Variants in NRXN3 observed in about 807,000 individuals in gnomAD.
NRXN3 encodes the protein neurexin III.
A neutral mutation model predicts 137.6 loss-of-function variants in NRXN3; 32 were observed. The ratio of observed to expected loss-of-function variants is 0.23; its 90% CI spans 0.18 to 0.31. The LOEUF is 0.31. Ranked by LOEUF, NRXN3 falls within the 10% of genes least tolerant of loss-of-function variation. The pLI, the probability that NRXN3 is intolerant of heterozygous loss-of-function variation, is 1.00. For missense variants in NRXN3, 1,574 were observed against 2,062.5 expected, an observed-to-expected ratio of 0.76 and a Z score of 4.59; for synonymous variants, 798 against 784.5, an observed-to-expected ratio of 1.02 and a Z score of -0.29.
At chr14:79,741,166 G>A (rs2098961840) in intron 19 of NRXN3, among the ~76,000 whole-genome samples, 1 of 151,932 alleles carries the variant, frequency 6.6e-6, no homozygotes, top group Non-Finnish European at 1.5e-5. Context: ...TGTGACCTGA[G>A]GCAAATCATT....
intron 20 of NRXN3, among the ~76,000 whole-genome samples, chr14:79,837,571 C>T (rs2099346716): frequency 6.6e-6 from 1 of 152,202 alleles, no homozygotes; most frequent in Non-Finnish European, 1.5e-5. Context: ...ATATCCCCAT[C>T]TCTTTCTCCA....
At chr14:78,478,366 GAGA>G (rs763068591) in intron 4 of NRXN3, among the ~76,000 whole-genome samples, 4 of 152,132 alleles carry the variant, frequency 2.6e-5, no homozygotes, top group African/African-American at 7.2e-5. Flanking sequence ...CTTCATGGAG[GAGA>G]AGAAGTTTAA....
intron 4 of NRXN3, among the ~76,000 whole-genome samples, chr14:78,463,487 AGAGGTTGTATTAATT>A (rs2094990776): frequency 6.6e-6 from 1 of 151,594 alleles, no homozygotes; most frequent in Non-Finnish European, 1.5e-5. Flanking sequence ...TATTTTCCGT[AGAGGTTGTATTAATT>A]TACATTCCTA....
At chr14:79,023,459 A>G (rs2099593083) in intron 15 of NRXN3, among the ~76,000 whole-genome samples, 1 of 152,102 alleles carries the variant, frequency 6.6e-6, no homozygotes, top group Non-Finnish European at 1.5e-5. Context: ...TGGGGCAGGG[A>G]CTGATCAGGG....
chr14:78,483,198 A>G (rs1246878834), intron 4 of NRXN3, among the ~76,000 whole-genome samples: 1 of 152,156 alleles, frequency 6.6e-6, no homozygotes, highest in Non-Finnish European at 1.5e-5. Flanking sequence ...CAAAACCCCA[A>G]AAAACCCCAC....
At position 79,079,667 on chromosome 14, in the gene NRXN3, C is replaced by G. The variant is rs538072358; in HGVS notation, c.3262+91526C>G. 9.2e-5 allele frequency among the ~76,000 whole-genome samples: 14 copies of G among 152,122 alleles called. No homozygotes were observed. In the South Asian group the frequency reaches 2.9e-3, roughly 32 times the overall value. ...TCTGCCTCTTTTACTCTTTGGAAGA[C>G]GTGCCAATAGGCAGGTAAAGAGATC... is the stretch of plus-strand genomic sequence containing the variant. On this transcript the variant is annotated intron_variant, in intron 15 of 20. Transcript: ENST00000335750.
chr14:78,382,975 C>T lies in NRXN3; in HGVS notation c.757+85115C>T, dbSNP rs567249907. 2.9e-3 allele frequency among the ~76,000 whole-genome samples: 436 copies of T among 152,236 alleles called. 1 individual carries two copies. Among genetic ancestry groups the T allele is most frequent in the South Asian group, 0.017 (84 of 4,816 alleles). On this transcript the variant is annotated intron_variant, in intron 4 of 20. Transcript: ENST00000335750. ...TTATTATGGTCAGTTTGGGTGTTCT[C>T]ATGCCATTTAAGCCACCAACTGCTT...
In NRXN3 at chr14:79,434,462, T is replaced by G. The variant is rs188961211; in HGVS notation, c.3263-32759T>G. On this transcript the variant is annotated intron_variant, in intron 15 of 20. Transcript: ENST00000335750. The stretch of plus-strand genomic sequence containing the variant: ...ACCTGGTGAATAATGTCAAGGCCTC[T>G]CAGAGTGGGTCAGGAAAGCAAAAAG... Among the ~76,000 whole-genome samples, 5 of 152,318 alleles carry G rather than the reference T, an allele frequency of 3.3e-5. No individual in the cohort carries two copies. The East Asian group carries it at 9.7e-4, about 29-fold the overall frequency.
In NRXN3 at chr14:79,129,458, A is replaced by G. The variant is rs1384858532; in HGVS notation, c.3262+141317A>G. On this transcript the variant is annotated intron_variant, in intron 15 of 20. Transcript: ENST00000335750. Reference sequence around the variant, plus strand: ...GTACCCAGTAGTCATTCAGGAGCAGATTGTTCAGTTTCCATGTAGTTGAGC... The same window carrying G: ...GTACCCAGTAGTCATTCAGGAGCAGGTTGTTCAGTTTCCATGTAGTTGAGC... Among the ~76,000 whole-genome samples, 488 of 147,848 alleles carry G rather than the reference A, an allele frequency of 3.3e-3. 3 individuals are homozygous for G. The highest frequency in any genetic ancestry group is 0.012 in the African/African-American group (442 of 37,882).
intron 14 of NRXN3, among the ~76,000 whole-genome samples, chr14:78,987,199 G>T (rs11624311): frequency 6.6e-6 from 1 of 151,886 alleles, no homozygotes; most frequent in Non-Finnish European, 1.5e-5. Flanking sequence ...AGCTCCAAGC[G>T]TTTGCATTCC....
chr14:78,961,161 C>G (rs2099407443), intron 11 of NRXN3, among the ~76,000 whole-genome samples: 1 of 152,106 alleles, frequency 6.6e-6, no homozygotes, highest in South Asian at 2.1e-4. Flanking sequence ...TATGAAGATT[C>G]TTGACTGGTA....
intron 16 of NRXN3, among the ~76,000 whole-genome samples, chr14:79,658,762 G>A (rs1234532929): frequency 6.6e-6 from 1 of 152,158 alleles, no homozygotes; most frequent in Non-Finnish European, 1.5e-5. Context: ...TTGTGTTCTT[G>A]CCTAGCACTG....
At chr14:79,672,855 A>G (rs2098617461) in intron 17 of NRXN3, among the ~76,000 whole-genome samples, 1 of 152,070 alleles carries the variant, frequency 6.6e-6, no homozygotes, top group African/African-American at 2.4e-5. Flanking sequence ...AGTCTCTTCA[A>G]TTTAAATTTT....
chr14:78,704,678 G>T (rs1348470999), intron 6 of NRXN3, among the ~76,000 whole-genome samples: 2 of 152,142 alleles, frequency 1.3e-5, no homozygotes, highest in African/African-American at 4.8e-5. Flanking sequence ...TGCAGTCAGA[G>T]AGATAAGGGC....
At chr14:78,810,622 A>C (rs181070771) in intron 10 of NRXN3, among the ~76,000 whole-genome samples, 2 of 152,288 alleles carry the variant, frequency 1.3e-5, no homozygotes, top group African/African-American at 4.8e-5. Flanking sequence ...GAATAATGAA[A>C]TAATGAAAAA....
At chr14:78,940,182 T>C (rs890519193) in intron 10 of NRXN3, among the ~76,000 whole-genome samples, 6 of 152,204 alleles carry the variant, frequency 3.9e-5, no homozygotes, top group African/African-American at 1.4e-4. Context: ...TTGCTGAACT[T>C]GCATGCTCTC....
At chr14:79,144,421 A>G (rs947835982) in intron 15 of NRXN3, among the ~76,000 whole-genome samples, 3 of 152,212 alleles carry the variant, frequency 2.0e-5, no homozygotes, top group Non-Finnish European at 2.9e-5. Context: ...GAACAAATGT[A>G]CTTGTTTGTA....
chr14:78,830,229 T>A (rs1467835877), intron 10 of NRXN3, among the ~76,000 whole-genome samples: 1 of 152,158 alleles, frequency 6.6e-6, no homozygotes, highest in Non-Finnish European at 1.5e-5. Context: ...AAATAAAATA[T>A]CTAAGTTACT....
chr14:79,161,988 G>A lies in NRXN3; in HGVS notation c.3262+173847G>A, dbSNP rs1439092488. The stretch of plus-strand genomic sequence containing the variant: ...AAGAACATCTAAGCTGCGGGTTCAG[G>A]TATAAAATTAGGGCCCTGTGGCTTA... On this transcript the variant is annotated intron_variant, in intron 15 of 20. Transcript: ENST00000335750. 2.6e-5 allele frequency among the ~76,000 whole-genome samples: 4 copies of A among 151,880 alleles called. No homozygotes were observed. The East Asian group carries it at 7.8e-4, about 30-fold the overall frequency.
Sources: gnomAD v4.1 joint callset for allele counts (sites outside exome capture counted in the v4.1 genomes callset) on GRCh38, gnomAD v4.1.1 for gene constraint, MANE v1.5 for transcripts, NCBI Gene and HGNC (gene_info 2026-07-23, HGNC 2026-07-21) for gene names.